The following DAGLA variants were observed in gnomAD, a reference collection of about 807,000 sequenced individuals.
The protein encoded by DAGLA is diacylglycerol lipase alpha, also known as diacylglycerol lipase-alpha.
DAGLA carries 22 observed loss-of-function variants against 102.6 expected under a neutral mutation model. That is an observed-to-expected ratio of 0.21 (90% confidence interval 0.15 to 0.31). The LOEUF (loss-of-function observed/expected upper bound fraction) is 0.31, where lower values mean the gene tolerates loss of function less well. DAGLA is among the 10% of genes least tolerant of loss of function. The probability of loss-of-function intolerance (pLI) is 1.00; values close to 1 mark genes in which losing one functional copy is unlikely to be tolerated. For missense variants in DAGLA, 927 were observed against 1,446.6 expected (o/e 0.64, Z 5.83); for synonymous variants, 578 against 628.9 (o/e 0.92, Z 1.21).
Position 61,694,716 on chromosome 11 carries a change from G to A in DAGLA, c.-45+14212G>A, listed in dbSNP as rs2065050330. On this transcript the variant is annotated intron_variant, in intron 1 of 19. Coordinates refer to ENST00000257215, the MANE Select transcript of DAGLA (RefSeq NM_006133.3). ...CATCGAGTGGCTCCGTGGGGAGGAA[G>A]GGTGGGAGAAATCCATTCAAGTCAT... 2.6e-5 allele frequency among the ~76,000 whole-genome samples: 4 copies of A among 152,250 alleles called. No homozygotes were observed. In the South Asian group the frequency reaches 6.2e-4, roughly 24 times the overall value.
chr11:61,708,148 C>T (rs898227799), intron 1 of DAGLA, among the ~76,000 whole-genome samples: 1 of 152,140 alleles, frequency 6.6e-6, no homozygotes, highest in Non-Finnish European at 1.5e-5. Flanking sequence ...GCTAGGACTA[C>T]AGGTGCCCCC....
intron 7 of DAGLA, 141 bp downstream of exon 7, chr11:61,728,428 C>G: frequency 1.9e-6 from 2 of 1,044,872 alleles, no homozygotes; most frequent in Non-Finnish European, 2.8e-6. Flanking sequence ...CCCTGGAGGT[C>G]ACCTTTACCT....
rs545871183 is a variant in DAGLA, at chr11:61,731,681, C to A, written c.974+240C>A. Among the ~76,000 whole-genome samples, 3 of 152,338 alleles carry A rather than the reference C, an allele frequency of 2.0e-5. 1 individual carries two copies. In the East Asian group the frequency reaches 5.8e-4, roughly 29 times the overall value. The stretch of plus-strand genomic sequence containing the variant: ...ACTTGCAGCCTGGGGCAAGTGGGTC[C>A]ACCTCTCTGAGCCTCAGTTTCTTTA... On this transcript the variant is annotated intron_variant, in intron 9 of 19. Transcript: ENST00000257215.
At chr11:61,738,487 G>T (rs538559673) in intron 16 of DAGLA, among the ~76,000 whole-genome samples, 1 of 152,198 alleles carries the variant, frequency 6.6e-6, no homozygotes. Flanking sequence ...GACAGGAACC[G>T]AGAGGCTCCC....
intron 1 of DAGLA, among the ~76,000 whole-genome samples, 175 bp downstream of exon 1, chr11:61,680,679 C>T (rs915264844): frequency 6.6e-6 from 1 of 151,638 alleles, no homozygotes; most frequent in African/African-American, 2.4e-5. Context: ...CCCCTGGCAC[C>T]AGCGTGGGGA....
At chr11:61,735,154 G>A (rs2065412713) in intron 10 of DAGLA, 152 bp downstream of exon 10, 3 of 912,790 alleles carry the variant, frequency 3.3e-6, no homozygotes, top group Non-Finnish European at 5.0e-6. Flanking sequence ...CAGACCAGAG[G>A]TGGCCCCCTT....
chr11:61,743,339 G>A (rs1207372436), intron 19 of DAGLA, among the ~76,000 whole-genome samples, 193 bp from the exon 20 acceptor site: 1 of 150,736 alleles, frequency 6.6e-6, no homozygotes, highest in Non-Finnish European at 1.5e-5. Context: ...CTCCAGCCTG[G>A]GCGACAGAGC....
intron 1 of DAGLA, among the ~76,000 whole-genome samples, chr11:61,696,895 C>T (rs1388904795): frequency 2.0e-5 from 3 of 147,750 alleles, no homozygotes; most frequent in Non-Finnish European, 4.5e-5. Flanking sequence ...AGCAGAGCTG[C>T]GTGGGGTGGG....
chr11:61,735,928 A>T (rs531532156), intron 12 of DAGLA, 112 bp downstream of exon 12: 1 of 1,073,040 alleles, frequency 9.3e-7, no homozygotes, highest in Non-Finnish European at 1.3e-6. Flanking sequence ...ACTGGAAGAG[A>T]TTGGTCAGAG....
At chr11:61,700,506 C>T (rs938544910) in intron 1 of DAGLA, among the ~76,000 whole-genome samples, 32 of 152,216 alleles carry the variant, frequency 2.1e-4, no homozygotes, top group African/African-American at 6.8e-4. Context: ...GGCCTGCAAG[C>T]GTCCTTTTCT....
intron 18 of DAGLA, 123 bp from the exon 19 acceptor site, chr11:61,741,039 G>C (rs2065474086): frequency 1.1e-6 from 1 of 913,280 alleles, no homozygotes; most frequent in Admixed American, 2.7e-5. Context: ...GAGGAGAGTG[G>C]GACCCAAGTG....
At chr11:61,739,793 C>T (rs2065461430) in intron 17 of DAGLA, 132 bp downstream of exon 17, 1 of 918,036 alleles carries the variant, frequency 1.1e-6, no homozygotes. Context: ...CCCAGGGCCT[C>T]CATGGAGGGG....
At chr11:61,710,683 G>T (rs906380376) in intron 1 of DAGLA, among the ~76,000 whole-genome samples, 17 of 152,228 alleles carry the variant, frequency 1.1e-4, no homozygotes, top group Middle Eastern at 3.4e-3. Flanking sequence ...GGCAGGTGTG[G>T]GTCAGCCTGC....
chr11:61,706,875 C>T (rs2135566356), intron 1 of DAGLA, among the ~76,000 whole-genome samples: 1 of 152,362 alleles, frequency 6.6e-6, no homozygotes, highest in East Asian at 1.9e-4. Context: ...GCCGGTCTCA[C>T]CAGGACCTTG....
At chr11:61,735,712 C>A in intron 11 of DAGLA, 27 bp from the exon 12 acceptor site, 2 of 1,613,110 alleles carry the variant, frequency 1.2e-6, no homozygotes, top group Non-Finnish European at 1.7e-6. Flanking sequence ...TTTAGCCGCC[C>A]CCTCACCTGT....
Position 61,735,563 on chromosome 11 carries a change from C to T in DAGLA, c.1131C>T (p.Val377=). 6.2e-7 allele frequency: 1 copy of T among 1,613,938 alleles called. No individual in the cohort carries two copies. The highest frequency in any genetic ancestry group is 8.5e-7 in the Non-Finnish European group (1 of 1,179,884). Residue 377 remains valine (V), a splice_region_variant and synonymous_variant, in exon 11 of 20, where the codon GTC becomes GTT. Coordinates refer to ENST00000257215, the MANE Select transcript of DAGLA (RefSeq NM_006133.3). ...DIVYTSCHDA[V]YETPFYVAVD... is the part of the protein sequence containing the mutation. ...CTCACGAGCTGCCCGCCTCCTAGGT[C>T]TATGAAACGCCCTTCTACGTGGCGG...
At chr11:61,689,831 C>G (rs2065010572) in intron 1 of DAGLA, among the ~76,000 whole-genome samples, 1 of 152,118 alleles carries the variant, frequency 6.6e-6, no homozygotes, top group South Asian at 2.1e-4. Context: ...TATCCACTGC[C>G]TTTTCTTTGT....
At chr11:61,730,515 C>T (rs1309967693) in intron 8 of DAGLA, among the ~76,000 whole-genome samples, 2 of 152,152 alleles carry the variant, frequency 1.3e-5, no homozygotes, top group African/African-American at 4.8e-5. Context: ...TGACTAACCA[C>T]CCTCCTTAAC....
chr11:61,711,516 T>G (rs899629717), intron 1 of DAGLA, among the ~76,000 whole-genome samples: 1 of 152,058 alleles, frequency 6.6e-6, no homozygotes, highest in Admixed American at 6.5e-5. Context: ...AGAGGAAGGC[T>G]GGGGGCAGGA....
Sources: allele counts gnomAD v4.1 joint callset (sites outside exome capture counted in the v4.1 genomes callset), GRCh38; gene constraint gnomAD v4.1.1; transcripts MANE v1.5; gene names NCBI Gene and HGNC (gene_info 2026-07-23, HGNC 2026-07-21).